Variants in METTL15 observed in about 807,000 individuals in gnomAD.
The protein encoded by METTL15 is methyltransferase 15, mitochondrial 12S rRNA N4-cytidine.
Under a neutral mutation model 38.3 loss-of-function variants are expected in METTL15, and 34 were observed. The observed-to-expected ratio is 0.89, with a 90% CI of 0.68 to 1.18. The LOEUF (loss-of-function observed/expected upper bound fraction) is 1.18, where lower values mean the gene tolerates loss of function less well. Among genes scored for constraint, METTL15 ranks in the 50% most tolerant of loss-of-function variants. METTL15 has a pLI of 0.00. For missense variants in METTL15, 438 were observed against 498.4 expected (o/e 0.88, Z 1.15); for synonymous variants, 162 against 170.9 (o/e 0.95, Z 0.41).
intron 4 of METTL15, among the ~76,000 whole-genome samples, chr11:28,249,429 T>G (rs1854645244): frequency 6.6e-6 from 1 of 152,032 alleles, no homozygotes; most frequent in Admixed American, 6.6e-5. Flanking sequence ...TTATGTTTAC[T>G]CCAGTGACTC....
intron 3 of METTL15, among the ~76,000 whole-genome samples, chr11:28,142,304 A>G (rs1175504851): frequency 6.6e-6 from 1 of 152,196 alleles, no homozygotes; most frequent in Non-Finnish European, 1.5e-5. Context: ...GGTCACTTCA[A>G]AGTTACTTTT....
intron 3 of METTL15, among the ~76,000 whole-genome samples, chr11:28,117,500 A>G (rs747152256): frequency 6.6e-6 from 1 of 152,090 alleles, no homozygotes; most frequent in Non-Finnish European, 1.5e-5. Flanking sequence ...TCAGTATTGT[A>G]TCCAACTATT....
downstream of METTL15, among the ~76,000 whole-genome samples, chr11:28,334,518 T>TA (rs1331707062): frequency 1.3e-5 from 2 of 152,092 alleles, no homozygotes; most frequent in Non-Finnish European, 2.9e-5. Context: ...AGGTGCTTGA[T>TA]AAATATAAAT....
chr11:28,420,166 T>C (rs780055095), intron 5 of METTL15, among the ~76,000 whole-genome samples: 1 of 152,052 alleles, frequency 6.6e-6, no homozygotes, highest in Non-Finnish European at 1.5e-5. Context: ...AATATTCAAG[T>C]ACAAGAAAGT....
At chr11:28,274,617 C>T (rs1318784470) in intron 4 of METTL15, among the ~76,000 whole-genome samples, 1 of 151,824 alleles carries the variant, frequency 6.6e-6, no homozygotes, top group East Asian at 1.9e-4. Context: ...AATTCAAACC[C>T]CAGACTACAT....
At chr11:28,448,956 G>A (rs1279365818) in intron 6 of METTL15, among the ~76,000 whole-genome samples, 1 of 152,164 alleles carries the variant, frequency 6.6e-6, no homozygotes, top group Non-Finnish European at 1.5e-5. Context: ...GAGGGTTGGG[G>A]TGGCCAAAAC....
chr11:28,226,502 A>C lies in METTL15; in HGVS notation c.407+15304A>C, dbSNP rs142106398. On this transcript the variant is annotated intron_variant, in intron 4 of 6. Coordinates refer to ENST00000407364, the MANE Select transcript of METTL15 (RefSeq NM_001113528.2). ...TATTCTGAACTACCCACATGATCTAAGTTGTGTAGACTTATTTTCTAGCAC... is the reference window on the plus strand; with the variant it reads ...TATTCTGAACTACCCACATGATCTACGTTGTGTAGACTTATTTTCTAGCAC... 3.2e-4 allele frequency among the ~76,000 whole-genome samples: 48 copies of C among 152,062 alleles called. No homozygotes were observed. In the East Asian group the frequency reaches 9.1e-3, roughly 29 times the overall value.
chr11:28,405,741 G>C (rs1469752086), intron 5 of METTL15, among the ~76,000 whole-genome samples: 1 of 152,120 alleles, frequency 6.6e-6, no homozygotes, highest in Non-Finnish European at 1.5e-5. Context: ...ATGCTATGTA[G>C]AACTCTGCTG....
chr11:28,504,794 C>A (rs1444547092), intron 6 of METTL15, among the ~76,000 whole-genome samples: 1 of 152,204 alleles, frequency 6.6e-6, no homozygotes, highest in African/African-American at 2.4e-5. Flanking sequence ...ATTTTGAACT[C>A]ATTCGAATGT....
Position 28,330,587 on chromosome 11 carries a change from C to CT in METTL15, c.971dup (p.Glu325ArgfsTer19), listed in dbSNP as rs1348961581. 21 of 1,551,524 alleles carry CT rather than the reference C, an allele frequency of 1.4e-5. No homozygotes were observed. Among genetic ancestry groups the CT allele is most frequent in the Non-Finnish European group, 1.7e-5 (20 of 1,146,892 alleles). Reference sequence around the variant, plus strand: ...TCTTGTTGCCCTCTCCTTCCATTCACTAGAGGATCGCATCGTCAAAAGATT... The same window carrying CT: ...TCTTGTTGCCCTCTCCTTCCATTCACTTAGAGGATCGCATCGTCAAAAGATT... On this transcript the variant is annotated frameshift_variant, in exon 7 of 7. Transcript: ENST00000407364. LOFTEE classifies it high-confidence loss of function.
intron 3 of METTL15, among the ~76,000 whole-genome samples, chr11:28,118,322 A>G (rs1396345569): frequency 6.6e-6 from 1 of 152,124 alleles, no homozygotes; most frequent in Non-Finnish European, 1.5e-5. Context: ...CACTTAAAAT[A>G]TTTACTAGTT....
intron 3 of METTL15, among the ~76,000 whole-genome samples, chr11:28,138,894 A>T (rs933048809): frequency 5.9e-5 from 9 of 152,178 alleles, no homozygotes; most frequent in African/African-American, 2.2e-4. Flanking sequence ...CCTCCTTATC[A>T]TGGAACCATA....
chr11:28,346,684 A>G (rs1849998705), intron 3 of METTL15, among the ~76,000 whole-genome samples: 1 of 151,624 alleles, frequency 6.6e-6, no homozygotes, highest in African/African-American at 2.4e-5. Context: ...CTTTACAACA[A>G]TAACAATGTT....
intron 6 of METTL15, among the ~76,000 whole-genome samples, chr11:28,512,096 A>G (rs180774733): frequency 1.3e-5 from 2 of 152,270 alleles, no homozygotes; most frequent in East Asian, 3.9e-4. Context: ...AGCTAGACAC[A>G]AAAGTTCTCC....
intron 6 of METTL15, among the ~76,000 whole-genome samples, chr11:28,521,110 T>C (rs1851761500): frequency 6.6e-6 from 1 of 152,242 alleles, no homozygotes; most frequent in Admixed American, 6.5e-5. Context: ...AAATCCATAA[T>C]TGTATTTTAT....
chr11:28,203,432 A>T (rs1190987927), intron 3 of METTL15, among the ~76,000 whole-genome samples: 7 of 152,160 alleles, frequency 4.6e-5, no homozygotes, highest in Non-Finnish European at 1.0e-4. Flanking sequence ...TATTGGAGGA[A>T]TCCTTGTATA....
At chr11:28,184,209 G>C (rs1851407252) in intron 3 of METTL15, among the ~76,000 whole-genome samples, 1 of 151,926 alleles carries the variant, frequency 6.6e-6, no homozygotes, top group African/African-American at 2.4e-5. Flanking sequence ...CGAAAAACCA[G>C]CTTCTGGATT....
intron 6 of METTL15, among the ~76,000 whole-genome samples, chr11:28,450,050 A>T (rs1018024109): frequency 6.6e-6 from 1 of 152,238 alleles, no homozygotes; most frequent in Non-Finnish European, 1.5e-5. Flanking sequence ...GCAGTAATCA[A>T]TAAAAGAAAT....
chr11:28,515,567 T>C (rs1179945248), intron 6 of METTL15, among the ~76,000 whole-genome samples: 2 of 152,228 alleles, frequency 1.3e-5, no homozygotes, highest in Non-Finnish European at 2.9e-5. Context: ...AATAAAACTT[T>C]ATTAAAACAC....
Sources: allele counts gnomAD v4.1 joint callset (sites outside exome capture counted in the v4.1 genomes callset), GRCh38; gene constraint gnomAD v4.1.1; transcripts MANE v1.5; gene names NCBI Gene and HGNC (gene_info 2026-07-23, HGNC 2026-07-21).